ANKRD11: variants seen among roughly 807,000 people sequenced by gnomAD.
ANKRD11 encodes ankyrin repeat domain-containing protein 11.
A neutral mutation model predicts 195.7 loss-of-function variants in ANKRD11; 17 were observed. The ratio of observed to expected loss-of-function variants is 0.09; its 90% CI spans 0.06 to 0.13. ANKRD11 has a LOEUF of 0.13. ANKRD11 is among the 10% of genes least tolerant of loss of function. The probability of loss-of-function intolerance (pLI) is 1.00; values close to 1 mark genes in which losing one functional copy is unlikely to be tolerated. For missense variants in ANKRD11, 3,735 were observed against 3,566.1 expected (o/e 1.05, Z -1.21); for synonymous variants, 1,953 against 1,528.1 (o/e 1.28, Z -6.49).
intron 2 of ANKRD11, among the ~76,000 whole-genome samples, chr16:89,351,905 A>G (rs1186405023): frequency 6.6e-6 from 1 of 152,128 alleles, no homozygotes; most frequent in Admixed American, 6.5e-5. Flanking sequence ...AATCCTCTCA[A>G]TCAAGCTGGT....
At chr16:89,365,358 C>G (rs1253439142) in intron 2 of ANKRD11, among the ~76,000 whole-genome samples, 4 of 152,204 alleles carry the variant, frequency 2.6e-5, no homozygotes, top group African/African-American at 9.6e-5. Context: ...GAGCATGAGG[C>G]CAAATCACTG....
Position 89,290,774 on chromosome 16 carries a change from G to A in ANKRD11, c.452C>T (p.Pro151Leu), listed in dbSNP as rs1242249601. Residue 151 changes from proline (P) to leucine (L), a missense_variant, in exon 6 of 13, where the codon CCC (proline) becomes CTC (leucine). By Grantham distance (98) the Pro-to-Leu change is moderately conservative (BLOSUM62 -3). Transcript: ENST00000301030. ...SQSTVCQKGT[P>L]NSASKTKDKV... ...ATCTTTGGTTTTTGAGGCAGAGTTG[G>A]GCGTTCCCTTCTGACACACTGTAGA... 6.2e-7 allele frequency: 1 copy of A among 1,614,144 alleles called. No individual in the cohort carries two copies. Among genetic ancestry groups the A allele is most frequent in the Non-Finnish European group, 8.5e-7 (1 of 1,180,016 alleles).
chr16:89,323,622 G>T (rs1054118382), intron 2 of ANKRD11: 1 of 324,436 alleles, frequency 3.1e-6, no homozygotes, highest in Non-Finnish European at 6.0e-6. Context: ...GGGAAGAGCC[G>T]AGGGACAGAG....
At chr16:89,352,871 T>C (rs1235604744) in intron 2 of ANKRD11, among the ~76,000 whole-genome samples, 2 of 152,208 alleles carry the variant, frequency 1.3e-5, no homozygotes, top group African/African-American at 4.8e-5. Context: ...CCTTTCCCTC[T>C]TTTCTCTCAC....
rs1597467799 is a variant in ANKRD11, at chr16:89,285,936, C to G, written c.892+103G>C. ...AGAAGCTCCTGTAAGCCCCCAGCAT[C>G]CGAGGAGGAGCTGATCAGAGGGGCA... is the stretch of plus-strand genomic sequence containing the variant. On this transcript the variant is annotated intron_variant, in intron 8 of 12. Transcript: ENST00000301030. This position sits in a 1 kb window ranked among gnomAD's most constrained non-coding sequence, Gnocchi z 5.6. 4.4e-6 allele frequency: 7 copies of G among 1,576,670 alleles called. No individual in the cohort carries two copies. The East Asian group carries it at 1.6e-4, about 35-fold the overall frequency.
intron 2 of ANKRD11, chr16:89,343,842 C>T (rs2038811856): frequency 6.6e-6 from 1 of 152,336 alleles, no homozygotes; most frequent in South Asian, 2.1e-4. Flanking sequence ...TTATGCTTCG[C>T]AGGCGGTAAG....
intron 3 of ANKRD11, among the ~76,000 whole-genome samples, chr16:89,308,524 T>C (rs551592312): frequency 6.6e-6 from 1 of 152,234 alleles, no homozygotes; most frequent in South Asian, 2.1e-4. Flanking sequence ...GTGATTCTCA[T>C]CAGGAAAATG....
Position 89,463,725 on chromosome 16 carries a change from A to G in ANKRD11, c.-145+26520T>C, listed in dbSNP as rs141520560. Among the ~76,000 whole-genome samples, 395 of 152,188 alleles carry G rather than the reference A, an allele frequency of 2.6e-3. 2 individuals carry two copies. Among genetic ancestry groups the G allele is most frequent in the African/African-American group, 8.7e-3 (363 of 41,544 alleles). ...TCACACTGGATAAGTGTTTTTCAATAATTTCAACGTAGTATTCCACAGCAA... is the reference window on the plus strand; with the variant it reads ...TCACACTGGATAAGTGTTTTTCAATGATTTCAACGTAGTATTCCACAGCAA... On this transcript the variant is annotated intron_variant, in intron 1 of 12. Coordinates refer to ENST00000301030, the MANE Select transcript of ANKRD11 (RefSeq NM_013275.6).
intron 1 of ANKRD11, among the ~76,000 whole-genome samples, chr16:89,456,831 G>T (rs1053223515): frequency 6.6e-6 from 1 of 152,176 alleles, no homozygotes; most frequent in Non-Finnish European, 1.5e-5. Context: ...CGCTTCCTTC[G>T]GGGGGAACAG....
chr16:89,444,872 G>C (rs1328930706), intron 1 of ANKRD11, among the ~76,000 whole-genome samples: 1 of 152,198 alleles, frequency 6.6e-6, no homozygotes, highest in African/African-American at 2.4e-5. Context: ...TACAGTGTGA[G>C]AAATGCATGA....
intron 1 of ANKRD11, among the ~76,000 whole-genome samples, chr16:89,441,176 C>G (rs1465133967): frequency 1.3e-5 from 2 of 151,540 alleles, no homozygotes; most frequent in Non-Finnish European, 2.9e-5. Flanking sequence ...GCAGAGATCG[C>G]AGTGAGCCAG....
At position 89,282,892 on chromosome 16, in the gene ANKRD11, T is replaced by C. The variant is rs1426638059; in HGVS notation, c.3650A>G (p.Tyr1217Cys). 1 of 1,613,096 alleles carries C rather than the reference T, an allele frequency of 6.2e-7. No homozygotes were observed. The highest frequency in any genetic ancestry group is 2.2e-5 in the East Asian group (1 of 44,882). ...EKKDKESTEK[Y>C]KDRKDRASVD... ...TGAGGCTCTGTCCTTCCTGTCCTTG[T>C]ACTTTTCTGTGGACTCTTTATCCTT... The change falls in exon 9 of 13, where the codon TAC becomes TGC. Residue 1217 changes from tyrosine (Y) to cysteine (C), a missense_variant. Coordinates refer to ENST00000301030, the MANE Select transcript of ANKRD11 (RefSeq NM_013275.6).
intron 2 of ANKRD11, among the ~76,000 whole-genome samples, chr16:89,322,930 G>A (rs1276717643): frequency 6.6e-6 from 1 of 152,236 alleles, no homozygotes; most frequent in African/African-American, 2.4e-5. Flanking sequence ...TGTAGCCTCC[G>A]CCTCCTGGGC....
At chr16:89,336,599 G>A (rs2038365902) in intron 2 of ANKRD11, among the ~76,000 whole-genome samples, 2 of 152,144 alleles carry the variant, frequency 1.3e-5, no homozygotes, top group Non-Finnish European at 2.9e-5. Context: ...GAGACACAAG[G>A]TTAAAGTGAC....
rs1299174329 is a variant in ANKRD11 at position 89,280,647 on chromosome 16, G to T, written c.5895C>A (p.Gly1965=). The T allele has an allele frequency of 1.1e-5, 17 of 1,613,382 alleles. No homozygotes were observed. Among genetic ancestry groups the T allele is most frequent in the Non-Finnish European group, 1.4e-5 (17 of 1,179,976 alleles). Residue 1965 remains glycine, a synonymous_variant, in exon 9 of 13, where the codon GGC becomes GGA. Coordinates refer to ENST00000301030, the MANE Select transcript of ANKRD11 (RefSeq NM_013275.6). ...GCCAGCTCACAGGGTTTTCAGAGGT[G>T]CCCCCGATCAGGCTAGAGGCAAGCG... ...EQALASSLIG[G]TSENPVSWPV... is the part of the protein sequence containing the mutation.
At chr16:89,388,315 T>TTTTTTTTTTTA (rs2041018887) in intron 2 of ANKRD11, among the ~76,000 whole-genome samples, 2 of 145,398 alleles carry the variant, frequency 1.4e-5, no homozygotes, top group Non-Finnish European at 3.0e-5. Flanking sequence ...TTTTTTTTTT[T>TTTTTTTTTTTA]GAGACGGAGT....
chr16:89,443,899 C>G (rs930620559), intron 1 of ANKRD11, among the ~76,000 whole-genome samples: 2 of 152,168 alleles, frequency 1.3e-5, no homozygotes, highest in Non-Finnish European at 2.9e-5. Context: ...CCAACAAAGC[C>G]TGTGCCAACT....
intron 2 of ANKRD11, among the ~76,000 whole-genome samples, chr16:89,341,860 C>CA (rs1287388963): frequency 6.9e-5 from 10 of 145,666 alleles, no homozygotes; most frequent in African/African-American, 2.5e-4. Context: ...GCACCTCCAC[C>CA]CACAGCGGCC....
chr16:89,418,716 A>G (rs1372123802), intron 1 of ANKRD11, among the ~76,000 whole-genome samples: 1 of 152,008 alleles, frequency 6.6e-6, no homozygotes, highest in African/African-American at 2.4e-5. Context: ...CAAGTGGGCA[A>G]TCTCGCCACA....
Sources: gnomAD v4.1 joint callset for allele counts (sites outside exome capture counted in the v4.1 genomes callset) on GRCh38, gnomAD v4.1.1 for gene constraint, Gnocchi (gnomAD v3.1) non-coding constraint, MANE v1.5 for transcripts, NCBI Gene and HGNC (gene_info 2026-07-23, HGNC 2026-07-21) for gene names.